PCDH15: variants seen among roughly 807,000 people sequenced by gnomAD.
PCDH15 encodes protocadherin-15.
Under a neutral mutation model 178.5 loss-of-function variants are expected in PCDH15, and 129 were observed. The ratio of observed to expected loss-of-function variants is 0.72; its 90% CI spans 0.63 to 0.84. The LOEUF (loss-of-function observed/expected upper bound fraction) is 0.84. PCDH15 is among the 40% of genes least tolerant of loss of function. The pLI is 0.00. For synonymous variants in PCDH15, 800 were observed against 732.0 expected (o/e 1.09, Z -1.50); for missense variants, 2,230 against 2,099.9 (o/e 1.06, Z -1.21).
At chr10:54,957,716 T>A (rs1188557869) in intron 2 of PCDH15, among the ~76,000 whole-genome samples, 1 of 151,622 alleles carries the variant, frequency 6.6e-6, no homozygotes. Context: ...ATTATTTACA[T>A]CTCCAACGTA....
At chr10:55,275,243 TA>T (rs1842558984) in intron 1 of PCDH15, among the ~76,000 whole-genome samples, 1 of 152,112 alleles carries the variant, frequency 6.6e-6, no homozygotes, top group Admixed American at 6.5e-5. Flanking sequence ...TCATCAATCA[TA>T]ACTTTTGCTA....
intron 2 of PCDH15, among the ~76,000 whole-genome samples, chr10:54,941,884 T>C (rs1838072547): frequency 6.6e-6 from 1 of 152,082 alleles, no homozygotes; most frequent in Non-Finnish European, 1.5e-5. Context: ...GCATATTCTC[T>C]GGGCGATGCA....
chr10:54,198,495 C>CTTTTTTTTTTTTTTTTTTTTTTTTTT lies in PCDH15; in HGVS notation c.1099-2607_1099-2606insAAAAAAAAAAAAAAAAAAAAAAAAAA, dbSNP rs1186240206. Among the ~76,000 whole-genome samples, 3 of 31,172 alleles carry CTTTTTTTTTTTTTTTTTTTTTTTTTT rather than the reference C, an allele frequency of 9.6e-5. 1 individual carries two copies. Among genetic ancestry groups the CTTTTTTTTTTTTTTTTTTTTTTTTTT allele is most frequent in the African/African-American group, 5.9e-4 (2 of 3,372 alleles). The allele number at this position is 31,172 out of a possible 152,430, so 20.5% of individuals were successfully genotyped here. A position where few individuals can be genotyped will look rare whatever the true frequency, so the allele number is the denominator to read the frequency against. Reference sequence around the variant, plus strand: ...CATCTTTCTTTAATATCTAATTATTCTTTTTTTTTTTTTTTTTTTTTTTTG... The same window carrying CTTTTTTTTTTTTTTTTTTTTTTTTTT: ...CATCTTTCTTTAATATCTAATTATTCTTTTTTTTTTTTTTTTTTTTTTTTTTTTTTTTTTTTTTTTTTTTTTTTTTG... On this transcript the variant is annotated intron_variant, in intron 10 of 37. Coordinates refer to ENST00000644397, the MANE Select transcript of PCDH15 (RefSeq NM_001384140.1).
Position 54,022,898 on chromosome 10 carries a change from T to C in PCDH15, c.2520A>G (p.Gln840=), listed in dbSNP as rs771916163. The C allele has an allele frequency of 5.6e-6, 9 of 1,613,778 alleles. No homozygotes were observed. In the South Asian group the frequency reaches 9.9e-5, roughly 18 times the overall value. ...AATGCTTTTTCCCACACACCTCTAT[T>C]TGAAGGATGGTAGTCCCAGCTGGCA... ...ENLPAGTTIL[Q]IEAKDVDLGA... Residue 840 remains glutamine (Q), a synonymous_variant, in exon 19 of 38, where the codon CAA becomes CAG. Coordinates refer to ENST00000644397, the MANE Select transcript of PCDH15 (RefSeq NM_001384140.1).
intron 1 of PCDH15, among the ~76,000 whole-genome samples, chr10:54,730,763 A>G (rs2132645724): frequency 6.6e-6 from 1 of 151,630 alleles, no homozygotes; most frequent in African/African-American, 2.4e-5. Context: ...TCAAATAAAA[A>G]TAAAGACTTA....
intron 1 of PCDH15, among the ~76,000 whole-genome samples, chr10:55,261,031 C>G (rs192195988): frequency 4.0e-5 from 6 of 151,750 alleles, no homozygotes; most frequent in Admixed American, 2.0e-4. Context: ...TCCACAAACA[C>G]CAACACTAAA....
intron 2 of PCDH15, among the ~76,000 whole-genome samples, chr10:55,105,536 G>A (rs1047222240): frequency 2.6e-5 from 4 of 152,042 alleles, no homozygotes; most frequent in Non-Finnish European, 4.4e-5. Flanking sequence ...TTTTAAGCCC[G>A]ATATTTTACG....
chr10:54,620,705 G>A (rs1221283250), intron 2 of PCDH15, among the ~76,000 whole-genome samples: 1 of 151,944 alleles, frequency 6.6e-6, no homozygotes, highest in African/African-American at 2.4e-5. Context: ...AACTTTTACT[G>A]TAAAACTCTA....
At chr10:54,176,968 CTT>C (rs1590975541) in intron 13 of PCDH15, among the ~76,000 whole-genome samples, 1 of 145,902 alleles carries the variant, frequency 6.9e-6, no homozygotes, top group East Asian at 1.9e-4. Flanking sequence ...AAAAAAAAAA[CTT>C]AGCATGGATG....
At chr10:54,513,680 T>C (rs2137852185) in intron 3 of PCDH15, among the ~76,000 whole-genome samples, 1 of 152,294 alleles carries the variant, frequency 6.6e-6, no homozygotes, top group Middle Eastern at 3.4e-3. Context: ...ATCTTAATCA[T>C]ATTAATACTC....
chr10:54,056,165 G>A (rs537361629), intron 18 of PCDH15, among the ~76,000 whole-genome samples: 1 of 152,074 alleles, frequency 6.6e-6, no homozygotes, highest in Non-Finnish European at 1.5e-5. Flanking sequence ...GTGATATTTT[G>A]CTGGAATGTG....
intron 3 of PCDH15, among the ~76,000 whole-genome samples, chr10:54,494,493 A>G (rs560506381): frequency 1.3e-5 from 2 of 152,266 alleles, no homozygotes; most frequent in African/African-American, 4.8e-5. Context: ...TCTTTCTGCC[A>G]CATCTCTAAA....
At chr10:54,573,684 A>T (rs1170785860) in intron 2 of PCDH15, among the ~76,000 whole-genome samples, 1 of 64,444 alleles carries the variant, frequency 1.6e-5, no homozygotes, top group Non-Finnish European at 3.4e-5. Flanking sequence ...AGCTTCTATT[A>T]GGTAGCCTTA....
chr10:55,579,814 TTTTG>T (rs1311109291), intron 2 of PCDH15, among the ~76,000 whole-genome samples: 5 of 152,058 alleles, frequency 3.3e-5, no homozygotes, highest in Non-Finnish European at 4.4e-5. Flanking sequence ...TTTTTGGTTT[TTTTG>T]TTTGTTATGT....
intron 32 of PCDH15, chr10:53,821,042 CA>C: frequency 1.1e-6 from 1 of 911,470 alleles, no homozygotes; most frequent in Non-Finnish European, 1.3e-6. Context: ...TATGAACAAA[CA>C]AAATTAAACA....
intron 13 of PCDH15, among the ~76,000 whole-genome samples, chr10:54,175,545 G>T (rs187105374): frequency 3.9e-5 from 6 of 152,230 alleles, no homozygotes; most frequent in Middle Eastern, 3.4e-3. Context: ...TGTGATAGTA[G>T]TTTATATAGT....
intron 32 of PCDH15, among the ~76,000 whole-genome samples, chr10:53,824,012 A>AT (rs1332332135): frequency 1.3e-5 from 2 of 152,132 alleles, no homozygotes; most frequent in Non-Finnish European, 2.9e-5. Flanking sequence ...AACCTTATAC[A>AT]TAATACCAAT....
intron 2 of PCDH15, among the ~76,000 whole-genome samples, chr10:55,572,805 T>C (rs1842431819): frequency 6.6e-6 from 1 of 151,778 alleles, no homozygotes; most frequent in Admixed American, 6.6e-5. Flanking sequence ...GGGAACAGAG[T>C]GTTCGTGTAA....
intron 1 of PCDH15, among the ~76,000 whole-genome samples, chr10:55,252,391 G>T (rs1345239609): frequency 2.0e-5 from 3 of 151,618 alleles, no homozygotes; most frequent in Non-Finnish European, 2.9e-5. Flanking sequence ...GAATAAAGAG[G>T]TTATTAAAAA....
Sources: allele counts gnomAD v4.1 joint callset (sites outside exome capture counted in the v4.1 genomes callset), GRCh38; gene constraint gnomAD v4.1.1; transcripts MANE v1.5; gene names NCBI Gene and HGNC (gene_info 2026-07-23, HGNC 2026-07-21).